The following DCC variants were observed in gnomAD, a reference collection of about 807,000 sequenced individuals.
DCC encodes the protein netrin receptor DCC.
In DCC, 58 loss-of-function variants were observed where a neutral mutation model predicts 172.5. The ratio of observed to expected loss-of-function variants is 0.34; its 90% CI spans 0.27 to 0.42. DCC has a LOEUF of 0.42. Ranked by LOEUF, DCC falls within the 10% of genes least tolerant of loss-of-function variation. DCC has a pLI of 1.00. For synonymous variants in DCC, 709 were observed against 644.5 expected (o/e 1.10, Z -1.52); for missense variants, 1,740 against 1,791.0 (o/e 0.97, Z 0.51).
At chr18:52,816,480 A>C (rs987623919) in intron 2 of DCC, among the ~76,000 whole-genome samples, 1 of 152,220 alleles carries the variant, frequency 6.6e-6, no homozygotes, top group Non-Finnish European at 1.5e-5. Context: ...TCATCAGTAT[A>C]TTGAGTTCAG....
At chr18:52,430,732 A>G (rs1271846216) in intron 1 of DCC, among the ~76,000 whole-genome samples, 1 of 152,192 alleles carries the variant, frequency 6.6e-6, no homozygotes, top group Admixed American at 6.5e-5. Flanking sequence ...GGAATTTCCT[A>G]TTGAAGTGAA....
intron 20 of DCC, among the ~76,000 whole-genome samples, chr18:53,412,739 G>GATCGC (rs897924432): frequency 2.6e-5 from 4 of 152,076 alleles, no homozygotes; most frequent in African/African-American, 9.7e-5. Flanking sequence ...CCTTTGCAAG[G>GATCGC]ATCGCAGCAT....
chr18:53,049,874 G>A (rs1220995270), intron 5 of DCC, among the ~76,000 whole-genome samples: 4 of 152,058 alleles, frequency 2.6e-5, no homozygotes, highest in Admixed American at 2.0e-4. Flanking sequence ...TGACTCACAT[G>A]ATCACTAGGT....
intron 3 of DCC, among the ~76,000 whole-genome samples, chr18:52,920,020 CAAA>C (rs373883714): frequency 6.0e-5 from 6 of 100,166 alleles, no homozygotes; most frequent in South Asian, 4.0e-4. Context: ...TGTCCATATA[CAAA>C]AAAAAAAAAA....
At chr18:53,179,502 A>G (rs180894117) in intron 9 of DCC, among the ~76,000 whole-genome samples, 72 of 152,332 alleles carry the variant, frequency 4.7e-4, no homozygotes, top group African/African-American at 1.6e-3. Flanking sequence ...GAACAATAAC[A>G]TACAATTTCT....
At chr18:52,550,977 C>T (rs1389604829) in intron 1 of DCC, among the ~76,000 whole-genome samples, 1 of 151,536 alleles carries the variant, frequency 6.6e-6, no homozygotes, top group Non-Finnish European at 1.5e-5. Context: ...TAATGATAAC[C>T]TGGAATAAGA....
chr18:53,240,027 A>T (rs1471697399), intron 12 of DCC, among the ~76,000 whole-genome samples: 1 of 86,192 alleles, frequency 1.2e-5, no homozygotes. Flanking sequence ...TTCTAGAGTT[A>T]AAAAAAAAAA....
Position 53,468,712 on chromosome 18 carries a change from G to C in DCC, c.3736+702G>C, listed in dbSNP as rs192595903. Among the ~76,000 whole-genome samples the C allele has an allele frequency of 1.9e-3, 290 of 152,206 alleles. 1 individual carries two copies. The highest frequency in any genetic ancestry group is 6.9e-3 in the African/African-American group (285 of 41,556). Reference sequence around the variant, plus strand: ...TAGCTTTTTAAATAAACTTTTTAATGAGTCTAATTCTCACACTTAAATAAT... The same window carrying C: ...TAGCTTTTTAAATAAACTTTTTAATCAGTCTAATTCTCACACTTAAATAAT... On this transcript the variant is annotated intron_variant, in intron 25 of 28. Transcript: ENST00000442544.
At chr18:52,970,597 A>G (rs1432243308) in intron 5 of DCC, among the ~76,000 whole-genome samples, 1 of 152,192 alleles carries the variant, frequency 6.6e-6, no homozygotes, top group Admixed American at 6.5e-5. Flanking sequence ...AAGACTACTC[A>G]AAGCATTGTT....
chr18:52,352,143 T>C (rs1984151960), intron 1 of DCC, among the ~76,000 whole-genome samples: 1 of 152,196 alleles, frequency 6.6e-6, no homozygotes, highest in African/African-American at 2.4e-5. Flanking sequence ...ATTACTCCAG[T>C]AGTTAGCTAT....
chr18:52,959,183 T>G (rs16955910), intron 5 of DCC, among the ~76,000 whole-genome samples: 22,858 of 151,938 alleles, frequency 0.15, 1,976 homozygotes, highest in East Asian at 0.33. Flanking sequence ...GGTCAAGAAT[T>G]GAATCGTGTG....
chr18:53,256,591 A>G (rs1433106564), intron 12 of DCC, among the ~76,000 whole-genome samples: 4 of 152,140 alleles, frequency 2.6e-5, no homozygotes, highest in Non-Finnish European at 4.4e-5. Flanking sequence ...TGGTACCAGT[A>G]CCATGCTGTT....
At chr18:52,621,723 C>G (rs1169925566) in intron 1 of DCC, among the ~76,000 whole-genome samples, 1 of 152,168 alleles carries the variant, frequency 6.6e-6, no homozygotes, top group East Asian at 1.9e-4. Flanking sequence ...CCCATCTGGA[C>G]ACAACTCAAA....
chr18:53,381,317 A>G (rs895759226), intron 15 of DCC, among the ~76,000 whole-genome samples: 4 of 152,052 alleles, frequency 2.6e-5, no homozygotes, highest in Non-Finnish European at 5.9e-5. Flanking sequence ...TGCATTTTCT[A>G]TGGAGCTATA....
chr18:52,382,247 C>G (rs545547465), intron 1 of DCC, among the ~76,000 whole-genome samples: 2 of 152,050 alleles, frequency 1.3e-5, no homozygotes, highest in Non-Finnish European at 2.9e-5. Context: ...CAATAATTTA[C>G]GTGCTATAAT....
At chr18:52,408,139 G>A (rs1242108926) in intron 1 of DCC, among the ~76,000 whole-genome samples, 1 of 151,934 alleles carries the variant, frequency 6.6e-6, no homozygotes, top group African/African-American at 2.4e-5. Context: ...AAAACTTCTT[G>A]GGACTTACTA....
chr18:52,987,556 C>T (rs908917812), intron 5 of DCC, among the ~76,000 whole-genome samples: 1 of 152,154 alleles, frequency 6.6e-6, no homozygotes, highest in African/African-American at 2.4e-5. Context: ...TAATCTTCAT[C>T]TATTTCTATA....
At chr18:53,512,921 T>G (rs1180527466) in intron 27 of DCC, among the ~76,000 whole-genome samples, 22 of 152,136 alleles carry the variant, frequency 1.4e-4, no homozygotes, top group South Asian at 4.1e-4. Flanking sequence ...CCCCAATCTA[T>G]CAAGGCAGGC....
At chr18:52,762,090 G>A (rs1214477746) in intron 2 of DCC, among the ~76,000 whole-genome samples, 2 of 152,072 alleles carry the variant, frequency 1.3e-5, no homozygotes, top group Admixed American at 6.6e-5. Context: ...AATTTCTGGA[G>A]GGCAGTTAAG....
Sources: allele counts gnomAD v4.1 joint callset (sites outside exome capture counted in the v4.1 genomes callset), GRCh38; gene constraint gnomAD v4.1.1; transcripts MANE v1.5; gene names NCBI Gene and HGNC (gene_info 2026-07-23, HGNC 2026-07-21).